LARGE1: variants seen among roughly 807,000 people sequenced by gnomAD.
LARGE1 encodes LARGE xylosyl- and glucuronyltransferase 1.
In LARGE1, 43 loss-of-function variants were observed where a neutral mutation model predicts 87.6. The ratio of observed to expected loss-of-function variants is 0.49; its 90% CI spans 0.38 to 0.63. The LOEUF is 0.63. Among genes scored for constraint, LARGE1 ranks in the 30% least tolerant of loss-of-function variants. The pLI, the probability that LARGE1 is intolerant of heterozygous loss-of-function variation, is 0.00. For synonymous variants in LARGE1, 434 were observed against 394.6 expected (o/e 1.10, Z -1.18); for missense variants, 802 against 1,000.2 (o/e 0.80, Z 2.67).
At chr22:33,452,641 G>A (rs113622656) in intron 6 of LARGE1, among the ~76,000 whole-genome samples, 5 of 152,174 alleles carry the variant, frequency 3.3e-5, no homozygotes, top group South Asian at 2.1e-4. Flanking sequence ...GGTGAGGAAG[G>A]CCACACGGTG....
chr22:33,094,621 T>G, the LARGE1 span, among the ~76,000 whole-genome samples: 3 of 152,046 alleles, frequency 2.0e-5, no homozygotes, highest in Non-Finnish European at 2.9e-5. Context: ...ATTAATGAAC[T>G]CTTCTCATCC....
chr22:33,518,684 T>C (rs142189233), intron 6 of LARGE1, among the ~76,000 whole-genome samples: 21 of 152,264 alleles, frequency 1.4e-4, no homozygotes, highest in Non-Finnish European at 2.5e-4. Context: ...ATCATGATAG[T>C]GTCCAATATT....
chr22:33,624,351 T>A (rs541603134), intron 4 of LARGE1, among the ~76,000 whole-genome samples: 5 of 152,142 alleles, frequency 3.3e-5, no homozygotes, highest in Non-Finnish European at 7.3e-5. Context: ...ATATAAAATA[T>A]AATGTAATAA....
At chr22:33,075,676 C>T in the LARGE1 span, among the ~76,000 whole-genome samples, 2 of 152,184 alleles carry the variant, frequency 1.3e-5, no homozygotes, top group African/African-American at 4.8e-5. Flanking sequence ...TCAATGAAGA[C>T]TTCTTTGAAA....
chr22:33,124,613 C>A, the LARGE1 span, among the ~76,000 whole-genome samples: 1 of 152,248 alleles, frequency 6.6e-6, no homozygotes, highest in South Asian at 2.1e-4. Context: ...TTATCTCTCA[C>A]CATTGCCTCA....
intron 2 of LARGE1, among the ~76,000 whole-genome samples, chr22:33,692,074 A>T (rs2082114636): frequency 6.6e-6 from 1 of 152,108 alleles, no homozygotes; most frequent in South Asian, 2.1e-4. Context: ...ATTATAAATT[A>T]TAATTAAAAA....
chr22:33,243,203 C>T (rs894131503), intron 11 of LARGE1, among the ~76,000 whole-genome samples: 6 of 152,194 alleles, frequency 3.9e-5, no homozygotes, highest in Admixed American at 1.3e-4. Flanking sequence ...CCATTGAAAA[C>T]TTTAAATAAA....
chr22:33,658,785 T>C (rs2081042452), intron 2 of LARGE1, among the ~76,000 whole-genome samples: 1 of 152,170 alleles, frequency 6.6e-6, no homozygotes, highest in African/African-American at 2.4e-5. Context: ...TGATTTATAT[T>C]CCTTTGGGTT....
the LARGE1 span, among the ~76,000 whole-genome samples, chr22:33,129,026 T>C: frequency 6.6e-6 from 1 of 152,234 alleles, no homozygotes; most frequent in African/African-American, 2.4e-5. Context: ...CAAATCACCA[T>C]GGCACACGTT....
At chr22:33,921,024 T>C (rs965284083), upstream of LARGE1, among the ~76,000 whole-genome samples, 28 of 149,766 alleles carry the variant, frequency 1.9e-4, no homozygotes, top group Non-Finnish European at 3.7e-4. The surrounding 1 kb of genome is among the most constrained non-coding windows in gnomAD (Gnocchi z 4.1). Context: ...GTCTGTGTCA[T>C]GTCTGTGCAG....
intron 11 of LARGE1, among the ~76,000 whole-genome samples, chr22:33,168,151 T>C (rs1006232593): frequency 9.9e-5 from 15 of 152,236 alleles, no homozygotes; most frequent in Admixed American, 2.0e-4. Flanking sequence ...AAGTAAACAG[T>C]ACAATATTGC....
intron 1 of LARGE1, among the ~76,000 whole-genome samples, chr22:33,864,493 C>T (rs958973448): frequency 6.6e-6 from 1 of 152,154 alleles, no homozygotes; most frequent in African/African-American, 2.4e-5. Context: ...TGGAGAGCGC[C>T]TAAGTCTTCT....
chr22:33,566,560 A>T (rs1443074305), intron 5 of LARGE1, among the ~76,000 whole-genome samples: 3 of 152,238 alleles, frequency 2.0e-5, no homozygotes, highest in Non-Finnish European at 4.4e-5. Flanking sequence ...AAGGTGGCGC[A>T]GACCCAAAGA....
intron 9 of LARGE1, among the ~76,000 whole-genome samples, chr22:33,341,618 G>A (rs1939153872): frequency 6.6e-6 from 1 of 152,050 alleles, no homozygotes; most frequent in Non-Finnish European, 1.5e-5. Flanking sequence ...AACCTATTTG[G>A]TCCAAACCAC....
At chr22:33,754,998 G>A (rs2084457273) in intron 2 of LARGE1, among the ~76,000 whole-genome samples, 1 of 152,070 alleles carries the variant, frequency 6.6e-6, no homozygotes, top group South Asian at 2.1e-4. Flanking sequence ...CCCCCATCCC[G>A]CCTATTCCAC....
chr22:33,490,822 G>A (rs987094370), intron 6 of LARGE1, among the ~76,000 whole-genome samples: 2 of 152,158 alleles, frequency 1.3e-5, no homozygotes, highest in Non-Finnish European at 2.9e-5. Flanking sequence ...GTAGCTCTTC[G>A]CCGGTGACCA....
chr22:33,565,171 T>C, intron 5 of LARGE1, 152 bp from the exon 6 acceptor site: 1 of 750,228 alleles, frequency 1.3e-6, no homozygotes, highest in Non-Finnish European at 2.2e-6. Flanking sequence ...TTTAAAGATT[T>C]ATATAATTTG....
chr22:33,367,277 T>C (rs964082863), intron 9 of LARGE1, among the ~76,000 whole-genome samples: 1 of 152,222 alleles, frequency 6.6e-6, no homozygotes, highest in African/African-American at 2.4e-5. Flanking sequence ...TATTCATTTC[T>C]TGGTGAGTTC....
intron 7 of LARGE1, among the ~76,000 whole-genome samples, chr22:33,392,675 AC>A (rs1175044520): frequency 6.6e-6 from 1 of 152,076 alleles, no homozygotes; most frequent in Non-Finnish European, 1.5e-5. Context: ...AACAACAACA[AC>A]AACAAAAGCA....
Sources: allele counts gnomAD v4.1 joint callset (sites outside exome capture counted in the v4.1 genomes callset), GRCh38; gene constraint gnomAD v4.1.1; non-coding constraint Gnocchi (gnomAD v3.1); transcripts MANE v1.5; gene names NCBI Gene and HGNC (gene_info 2026-07-23, HGNC 2026-07-21).